Variants in ANKRD17 observed in about 807,000 individuals in gnomAD.
The protein encoded by ANKRD17 is ankyrin repeat domain 17.
A neutral mutation model predicts 229.7 loss-of-function variants in ANKRD17; 19 were observed. The observed-to-expected ratio is 0.08, with a 90% CI of 0.06 to 0.12. ANKRD17 has a LOEUF of 0.12. Among genes scored for constraint, ANKRD17 ranks in the 10% least tolerant of loss-of-function variants. The pLI, the probability that ANKRD17 is intolerant of heterozygous loss-of-function variation, is 1.00. For missense variants in ANKRD17, 2,176 were observed against 3,176.8 expected (o/e 0.68, Z 7.57); for synonymous variants, 1,112 against 1,146.1 (o/e 0.97, Z 0.60).
intron 1 of ANKRD17, among the ~76,000 whole-genome samples, chr4:73,231,022 A>G (rs1015103428): frequency 6.6e-6 from 1 of 152,212 alleles, no homozygotes; most frequent in Non-Finnish European, 1.5e-5. Flanking sequence ...ACTTATTTCA[A>G]TGTTTTTGAT....
At chr4:73,249,141 T>C (rs1188757502) in intron 1 of ANKRD17, among the ~76,000 whole-genome samples, 4 of 152,216 alleles carry the variant, frequency 2.6e-5, no homozygotes, top group African/African-American at 7.2e-5. Flanking sequence ...AACCTTTCCA[T>C]AGATACTTCC....
chr4:73,155,817 T>C, intron 4 of ANKRD17, 39 bp from the exon 5 acceptor site: 1 of 1,601,568 alleles, frequency 6.2e-7, no homozygotes, highest in Non-Finnish European at 8.5e-7. Context: ...TATTAGGAAA[T>C]AATCGTCAAA....
chr4:73,246,163 A>G (rs1211119123), intron 1 of ANKRD17, among the ~76,000 whole-genome samples: 1 of 152,250 alleles, frequency 6.6e-6, no homozygotes, highest in Admixed American at 6.5e-5. Flanking sequence ...GAGGAAAATC[A>G]GTATAACCAA....
intron 1 of ANKRD17, among the ~76,000 whole-genome samples, chr4:73,206,435 A>C (rs934773711): frequency 6.0e-4 from 91 of 151,666 alleles, no homozygotes; most frequent in African/African-American, 1.0e-3. Context: ...TGAGAGAGAG[A>C]GAGAGAGAGA....
intron 2 of ANKRD17, among the ~76,000 whole-genome samples, chr4:73,173,756 C>A (rs556071907): frequency 1.3e-5 from 2 of 152,158 alleles, no homozygotes; most frequent in South Asian, 4.2e-4. Flanking sequence ...CAGGGAGCCA[C>A]ATGAAATATA....
rs913809663 is a variant in ANKRD17, at chr4:73,120,075, AT to A, written c.4025+86del. The A allele has an allele frequency of 2.4e-5, 34 of 1,402,398 alleles. No individual in the cohort carries two copies. The Admixed American group carries it at 6.0e-4, about 25-fold the overall frequency. The allele number at this position is 1,402,398 out of a possible 1,614,324, so 86.9% of individuals were successfully genotyped here. A position where few individuals can be genotyped will look rare whatever the true frequency, so the allele number is the denominator to read the frequency against. On this transcript the variant is annotated intron_variant, in intron 21 of 33. Transcript: ENST00000358602. ...ATAAAAGAAGAAATAATCACATTTG[AT>A]TTTTTAAATAGTTTAATTGCCTAGA...
intron 30 of ANKRD17, among the ~76,000 whole-genome samples, chr4:73,080,332 C>A (rs1469555108): frequency 1.3e-5 from 2 of 151,832 alleles, no homozygotes; most frequent in Non-Finnish European, 1.5e-5. Context: ...ACCTAAAATT[C>A]AAAAATGAAC....
chr4:73,188,194 A>G (rs944590391), intron 1 of ANKRD17, among the ~76,000 whole-genome samples: 1 of 151,034 alleles, frequency 6.6e-6, no homozygotes, highest in Admixed American at 6.6e-5. Context: ...AAAGAAAAGG[A>G]AAAAAAAAGC....
chr4:73,079,374 T>C (rs1291549604), intron 30 of ANKRD17, among the ~76,000 whole-genome samples: 1 of 152,156 alleles, frequency 6.6e-6, no homozygotes, highest in African/African-American at 2.4e-5. Context: ...TCTTTGTTAT[T>C]TATTCATTTT....
chr4:73,120,587 C>G (rs1726596199), intron 20 of ANKRD17, among the ~76,000 whole-genome samples: 1 of 150,438 alleles, frequency 6.6e-6, no homozygotes, highest in Admixed American at 6.6e-5. Flanking sequence ...GTTTAAGATG[C>G]AAGCACTTGG....
At chr4:73,084,253 C>T (rs1721874361) in intron 30 of ANKRD17, among the ~76,000 whole-genome samples, 1 of 152,082 alleles carries the variant, frequency 6.6e-6, no homozygotes, top group South Asian at 2.1e-4. Context: ...TAGCACATGC[C>T]TGTAGTCCCA....
intron 1 of ANKRD17, among the ~76,000 whole-genome samples, chr4:73,218,044 T>C (rs1317167725): frequency 2.0e-5 from 3 of 152,192 alleles, no homozygotes; most frequent in Admixed American, 1.3e-4. Flanking sequence ...ATATATGTAT[T>C]GTAGGTATGT....
At chr4:73,101,118 T>C (rs1723927690) in intron 25 of ANKRD17, 1 of 845,140 alleles carries the variant, frequency 1.2e-6, no homozygotes, top group Admixed American at 6.2e-5. Flanking sequence ...CACCATGTTA[T>C]ATAAAGACTT....
intron 14 of ANKRD17, 102 bp downstream of exon 14, chr4:73,141,639 C>G: frequency 1.8e-6 from 2 of 1,131,948 alleles, no homozygotes; most frequent in South Asian, 2.9e-5. Context: ...TTTAGTAATG[C>G]CAACTTAGTA....
At chr4:73,100,315 G>A (rs111745897) in intron 25 of ANKRD17, among the ~76,000 whole-genome samples, 111 of 152,210 alleles carry the variant, frequency 7.3e-4, no homozygotes, top group African/African-American at 2.5e-3. Context: ...CTAGGATGCT[G>A]CAGCAGAGTG....
intron 30 of ANKRD17, among the ~76,000 whole-genome samples, chr4:73,083,746 G>A (rs1721802503): frequency 2.0e-5 from 3 of 152,004 alleles, no homozygotes; most frequent in African/African-American, 7.2e-5. Context: ...GCCACTATTT[G>A]ACAAACACAA....
Position 73,155,431 on chromosome 4 carries a change from T to C in ANKRD17, c.1000+200A>G, listed in dbSNP as rs544185884. Among the ~76,000 whole-genome samples the C allele has an allele frequency of 1.4e-3, 216 of 152,196 alleles. 4 individuals carry two copies. Among genetic ancestry groups the C allele is most frequent in the Admixed American group, 1.2e-3 (18 of 15,182 alleles). On this transcript the variant is annotated intron_variant, in intron 5 of 33. Transcript: ENST00000358602. ...ATCTTAAAGAATCTTAAAAGGCCAA[T>C]TGCCCTCATAAACAAAACAGGAAGA... is the stretch of plus-strand genomic sequence containing the variant.
chr4:73,207,771 A>T (rs763698097), intron 1 of ANKRD17, among the ~76,000 whole-genome samples: 1 of 152,246 alleles, frequency 6.6e-6, no homozygotes, highest in Non-Finnish European at 1.5e-5. Flanking sequence ...TCCAAAATAC[A>T]TGAAGCAAAA....
At position 73,149,533 on chromosome 4, in the gene ANKRD17, A is replaced by G. The variant is rs189496360; in HGVS notation, c.1330-483T>C. Reference sequence around the variant, plus strand: ...GTGTTAGGGGAACACAAATGCGTACATGGTACTTTCTATATTGTTCATCGT... The same window carrying G: ...GTGTTAGGGGAACACAAATGCGTACGTGGTACTTTCTATATTGTTCATCGT... On this transcript the variant is annotated intron_variant, in intron 7 of 33. Coordinates refer to ENST00000358602, the MANE Select transcript of ANKRD17 (RefSeq NM_032217.5). 1.9e-3 allele frequency among the ~76,000 whole-genome samples: 286 copies of G among 152,294 alleles called. 1 individual carries two copies. The highest frequency in any genetic ancestry group is 6.6e-3 in the African/African-American group (274 of 41,562).
Sources: allele counts gnomAD v4.1 joint callset (sites outside exome capture counted in the v4.1 genomes callset), GRCh38; gene constraint gnomAD v4.1.1; transcripts MANE v1.5; gene names NCBI Gene and HGNC (gene_info 2026-07-23, HGNC 2026-07-21).